RBFOX1: variants seen among roughly 807,000 people sequenced by gnomAD.
The protein encoded by RBFOX1 is RNA binding fox-1 homolog 1.
In RBFOX1, 8 loss-of-function variants were observed where a neutral mutation model predicts 57.7. That is an observed-to-expected ratio of 0.14 (90% CI 0.08 to 0.25). The LOEUF is 0.25. Ranked by LOEUF, RBFOX1 falls within the 10% of genes least tolerant of loss-of-function variation. RBFOX1 has a pLI of 1.00. For synonymous variants in RBFOX1, 326 were observed against 222.4 expected, an observed-to-expected ratio of 1.47 and a Z score of -4.15; for missense variants, 611 against 548.5, an observed-to-expected ratio of 1.11 and a Z score of -1.14.
chr16:7,032,094 C>T (rs532984777), intron 3 of RBFOX1, among the ~76,000 whole-genome samples: 3 of 152,160 alleles, frequency 2.0e-5, no homozygotes, highest in Non-Finnish European at 4.4e-5. Flanking sequence ...CGTAGTGTCC[C>T]CTCTTGAGAA....
At chr16:6,026,261 T>C (rs114366791) in intron 1 of RBFOX1, among the ~76,000 whole-genome samples, 167 of 152,374 alleles carry the variant, frequency 1.1e-3, no homozygotes, top group African/African-American at 3.8e-3. Context: ...ACTGTCTCCT[T>C]AGCATCTAGC....
chr16:6,293,711 G>A (rs989052522), intron 1 of RBFOX1, among the ~76,000 whole-genome samples: 8 of 149,996 alleles, frequency 5.3e-5, no homozygotes, highest in Non-Finnish European at 1.0e-4. Context: ...GTATGGGCAG[G>A]AAGACTCTAC....
At chr16:7,291,668 A>G (rs1229947547) in intron 4 of RBFOX1, among the ~76,000 whole-genome samples, 1 of 151,936 alleles carries the variant, frequency 6.6e-6, no homozygotes, top group African/African-American at 2.4e-5. Flanking sequence ...AATAGCAGCA[A>G]GGATGGGACC....
intron 1 of RBFOX1, among the ~76,000 whole-genome samples, chr16:6,215,172 G>C (rs1222933208): frequency 2.1e-5 from 3 of 140,788 alleles, no homozygotes; most frequent in Non-Finnish European, 4.7e-5. Flanking sequence ...GTGAGAGAGG[G>C]AGAGGGGGAG....
At chr16:6,354,260 A>T (rs775822676) in intron 2 of RBFOX1, among the ~76,000 whole-genome samples, 13 of 151,920 alleles carry the variant, frequency 8.6e-5, no homozygotes, top group Non-Finnish European at 1.3e-4. Context: ...GATATATATA[A>T]AAAAAATAGC....
At chr16:7,421,043 C>T (rs979350151) in intron 4 of RBFOX1, among the ~76,000 whole-genome samples, 3 of 151,558 alleles carry the variant, frequency 2.0e-5, no homozygotes, top group South Asian at 2.1e-4. Flanking sequence ...ACTTGATGAA[C>T]CATACCTGAC....
intron 2 of RBFOX1, among the ~76,000 whole-genome samples, chr16:5,567,260 C>T (rs1229821707): frequency 6.6e-6 from 1 of 152,190 alleles, no homozygotes; most frequent in Non-Finnish European, 1.5e-5. Context: ...CCCATGTGGA[C>T]ACGTGCAGCT....
intron 3 of RBFOX1, among the ~76,000 whole-genome samples, chr16:6,785,530 G>A (rs1333846382): frequency 6.6e-6 from 1 of 152,166 alleles, no homozygotes; most frequent in Non-Finnish European, 1.5e-5. Context: ...AGCACACTCA[G>A]CAGTAGTTCC....
chr16:6,045,349 T>A lies in RBFOX1; in HGVS notation c.-127+25357T>A, dbSNP rs572326063. ...CTTGGGTGTTTGGTGATTTGAATCATGACTCCGAGAGTTGAGAGTTCTCTA... is the reference window on the plus strand; with the variant it reads ...CTTGGGTGTTTGGTGATTTGAATCAAGACTCCGAGAGTTGAGAGTTCTCTA... On this transcript the variant is annotated intron_variant, in intron 1 of 15. Coordinates refer to ENST00000550418, the MANE Select transcript of RBFOX1 (RefSeq NM_018723.4). Among the ~76,000 whole-genome samples the A allele has an allele frequency of 6.6e-5, 10 of 152,322 alleles. No homozygotes were observed. In the East Asian group the frequency reaches 1.9e-3, roughly 29 times the overall value.
At chr16:6,318,014 G>A (rs1466599070) in intron 2 of RBFOX1, among the ~76,000 whole-genome samples, 3 of 152,120 alleles carry the variant, frequency 2.0e-5, no homozygotes, top group Non-Finnish European at 4.4e-5. Flanking sequence ...TGGAGGACAT[G>A]GGACTCCAGG....
rs138740407 is a variant in RBFOX1 at position 7,045,938 on chromosome 16, G to A, written c.-15-6119G>A. On this transcript the variant is annotated intron_variant, in intron 3 of 15. Transcript: ENST00000550418. ...CTCCCAAAGTGCTGGGATTACAGGT[G>A]TGAGCCACCATGCCCGGCCAAGATA... 5.5e-3 allele frequency among the ~76,000 whole-genome samples: 835 copies of A among 152,262 alleles called. 7 individuals are homozygous for A. The highest frequency in any genetic ancestry group is 0.019 in the African/African-American group (794 of 41,534).
intron 1 of RBFOX1, among the ~76,000 whole-genome samples, chr16:6,204,501 A>T (rs982536859): frequency 6.6e-6 from 1 of 152,326 alleles, no homozygotes; most frequent in East Asian, 1.9e-4. Flanking sequence ...CCCACCAACA[A>T]AAATAGACTG....
chr16:6,435,817 G>A (rs75286548), intron 2 of RBFOX1, among the ~76,000 whole-genome samples: 4,734 of 152,134 alleles, frequency 0.031, 244 homozygotes, highest in African/African-American at 0.11. Context: ...GTGCCTATGT[G>A]GTAGTCAAAC....
chr16:7,027,533 T>G (rs200525659), intron 3 of RBFOX1, among the ~76,000 whole-genome samples: 1 of 147,854 alleles, frequency 6.8e-6, no homozygotes, highest in Non-Finnish European at 1.5e-5. Flanking sequence ...GGCTTTTTTT[T>G]CTAAATCACT....
chr16:5,822,181 G>C (rs1282083654), intron 3 of RBFOX1, among the ~76,000 whole-genome samples: 1 of 152,162 alleles, frequency 6.6e-6, no homozygotes, highest in Non-Finnish European at 1.5e-5. Context: ...AGTAACTCAG[G>C]AATGAAAAAC....
At chr16:6,039,832 G>A (rs554239033) in intron 1 of RBFOX1, among the ~76,000 whole-genome samples, 15 of 152,334 alleles carry the variant, frequency 9.8e-5, no homozygotes, top group African/African-American at 3.6e-4. Flanking sequence ...TGAGATGTTG[G>A]CTGGCGCTGT....
intron 3 of RBFOX1, among the ~76,000 whole-genome samples, chr16:5,743,334 G>A (rs537534667): frequency 6.6e-6 from 1 of 152,272 alleles, no homozygotes; most frequent in East Asian, 1.9e-4. Flanking sequence ...GAAATCAAAT[G>A]TCATTACAGG....
At chr16:6,895,448 GTATATATATATATATATATATATA>G (rs71147622) in intron 3 of RBFOX1, among the ~76,000 whole-genome samples, 4 of 54,612 alleles carry the variant, frequency 7.3e-5, no homozygotes, top group Admixed American at 2.2e-4. Context: ...GTGTGTGTGT[GTATATATATATATATATATATATA>G]TATATATATA....
At chr16:6,471,308 G>A (rs1480150504) in intron 2 of RBFOX1, among the ~76,000 whole-genome samples, 2 of 152,142 alleles carry the variant, frequency 1.3e-5, no homozygotes, top group Non-Finnish European at 2.9e-5. Flanking sequence ...TTTGCCTTTA[G>A]TTAGAACAAG....
Sources: gnomAD v4.1 joint callset for allele counts (sites outside exome capture counted in the v4.1 genomes callset) on GRCh38, gnomAD v4.1.1 for gene constraint, MANE v1.5 for transcripts, NCBI Gene and HGNC (gene_info 2026-07-23, HGNC 2026-07-21) for gene names.